USP19: variants seen among roughly 807,000 people sequenced by gnomAD.
USP19 encodes the protein ubiquitin specific peptidase 19, also known as ubiquitin carboxyl-terminal hydrolase 19.
A neutral mutation model predicts 144.8 loss-of-function variants in USP19; 40 were observed. That is an observed-to-expected ratio of 0.28 (90% CI 0.21 to 0.36). The LOEUF (loss-of-function observed/expected upper bound fraction) is 0.36. Ranked by LOEUF, USP19 falls within the 10% of genes least tolerant of loss-of-function variation. USP19 has a pLI of 1.00. For missense variants in USP19, 1,518 were observed against 1,822.5 expected, an observed-to-expected ratio of 0.83 and a Z score of 3.04; for synonymous variants, 701 against 709.3, an observed-to-expected ratio of 0.99 and a Z score of 0.19.
Position 49,111,552 on chromosome 3 carries a change from C to G in USP19, c.3165G>C (p.Gly1055=), listed in dbSNP as rs1199077266. 1 of 1,612,562 alleles carries G rather than the reference C, an allele frequency of 6.2e-7. No individual in the cohort carries two copies. The highest frequency in any genetic ancestry group is 8.5e-7 in the Non-Finnish European group (1 of 1,180,018). The change falls in exon 21 of 27, where the codon GGG becomes GGC. Residue 1055 remains glycine, a synonymous_variant. Coordinates refer to ENST00000417901, the MANE Select transcript of USP19 (RefSeq NM_001199161.2). The surrounding 1 kb of genome is among the most constrained non-coding windows in gnomAD (Gnocchi z 5.9). ...SGISSEMLAS[G]PIEVGSLPAG... ...CTGGCAAGGAGCCAACCTCAATGGGCCCACTGGCCAGCATCTCAGAAGAAA... is the reference window on the plus strand; with the variant it reads ...CTGGCAAGGAGCCAACCTCAATGGGGCCACTGGCCAGCATCTCAGAAGAAA...
chr3:49,112,569 G>C lies in USP19; in HGVS notation c.2566C>G (p.Pro856Ala). 1.2e-6 allele frequency: 2 copies of C among 1,614,094 alleles called. No homozygotes were observed. The highest frequency in any genetic ancestry group is 8.5e-7 in the Non-Finnish European group (1 of 1,179,972). Residue 856 changes from proline to alanine, a missense_variant, in exon 18 of 27, where the codon CCA becomes GCA. Pro to Ala is a conservative substitution (Grantham distance 27). This residue lies in a region of USP19 where 413 missense variants were observed against 515.8 expected (regional missense o/e 0.80). Coordinates refer to ENST00000417901, the MANE Select transcript of USP19 (RefSeq NM_001199161.2). This position sits in a 1 kb window ranked among gnomAD's most constrained non-coding sequence, Gnocchi z 4.9. ...TCAAAGCAGAGGAGCGTATCAGATG[G>C]GGACACAGTGTCCAGTGAGTGGGAG... ...LPSHSLDTVS[P>A]SDTLLCFELL...
At position 49,110,990 on chromosome 3, in the gene USP19, G is replaced by A. The variant is rs777593233; in HGVS notation, c.3505C>T (p.Leu1169Phe). 3.7e-6 allele frequency: 6 copies of A among 1,613,916 alleles called. No individual in the cohort carries two copies. The Admixed American group carries it at 1.0e-4, about 27-fold the overall frequency. The change falls in exon 23 of 27, where the codon CTC (leucine) becomes TTC (phenylalanine). Residue 1169 changes from leucine to phenylalanine, a missense_variant. Transcript: ENST00000417901. The surrounding 1 kb of genome is among the most constrained non-coding windows in gnomAD (Gnocchi z 6.1). ...GCCAGCACCTCAGGCCGTGTGAAGA[G>A]GTTGAGGCACTGGTCCAGGGTGAAG... Reference protein sequence around the residue: ...GHFTLDQCLNLFTRPEVLAPE... With the variant: ...GHFTLDQCLNFFTRPEVLAPE...
In USP19 at chr3:49,110,461, CTGCTACGATCAT is replaced by C; in HGVS notation, c.3830_3841del (p.Asn1277_Ser1280del). 6.2e-7 allele frequency: 1 copy of C among 1,614,158 alleles called. No homozygotes were observed. Among genetic ancestry groups the C allele is most frequent in the Non-Finnish European group, 8.5e-7 (1 of 1,180,018 alleles). On this transcript the variant is annotated inframe_deletion, in exon 25 of 27. Coordinates refer to ENST00000417901, the MANE Select transcript of USP19 (RefSeq NM_001199161.2). The surrounding 1 kb of genome is among the most constrained non-coding windows in gnomAD (Gnocchi z 6.1). ...GCCCTCACCCACGTCACTGCGCTGA[CTGCTACGATCAT>C]TGGGCAGGCGTGCACAGGCAGTGTA...
Position 49,114,395 on chromosome 3 carries a change from C to A in USP19, c.2293-111G>T. 2 of 976,924 alleles carry A rather than the reference C, an allele frequency of 2.0e-6. No homozygotes were observed. Among genetic ancestry groups the A allele is most frequent in the Non-Finnish European group, 3.1e-6 (2 of 649,324 alleles). 60.5% of individuals were successfully genotyped at this position (976,924 alleles called of 1,614,324 possible). A position where few individuals can be genotyped will look rare whatever the true frequency, so the allele number is the denominator to read the frequency against. On this transcript the variant is annotated intron_variant, in intron 15 of 26. Coordinates refer to ENST00000417901, the MANE Select transcript of USP19 (RefSeq NM_001199161.2). This position sits in a 1 kb window ranked among gnomAD's most constrained non-coding sequence, Gnocchi z 4.5. ...TGATGGCTCTCAGGGCCCCCACAGC[C>A]AACCAGCAAACTCTCAGGCTTCAGG...
In USP19 at chr3:49,111,746, C is replaced by T. The variant is rs1306202778; in HGVS notation, c.2971G>A (p.Gly991Ser). ...CCTGTGGAGAGCAGTGTGGTGCAGC[C>T]AGGGCTCTGAGACTCCAAGGCCATG... ...GRMALESQSPGCTTLLSTGSL... is the reference protein window; with the variant it reads ...GRMALESQSPSCTTLLSTGSL... Residue 991 changes from glycine (G) to serine (S), a missense_variant, in exon 21 of 27, where the codon GGC (glycine) becomes AGC (serine). By Grantham distance (56) the Gly-to-Ser change is moderately conservative. Coordinates refer to ENST00000417901, the MANE Select transcript of USP19 (RefSeq NM_001199161.2). This position sits in a 1 kb window ranked among gnomAD's most constrained non-coding sequence, Gnocchi z 5.9. 6.4e-7 allele frequency: 1 copy of T among 1,559,144 alleles called. No individual in the cohort carries two copies. Among genetic ancestry groups the T allele is most frequent in the African/African-American group, 1.4e-5 (1 of 73,512 alleles).
chr3:49,115,259 G>A lies in USP19; in HGVS notation c.1991C>T (p.Thr664Ile). Residue 664 changes from threonine (T) to isoleucine (I), a missense_variant, in exon 13 of 27, where the codon ACC becomes ATC. Transcript: ENST00000417901. This position sits in a 1 kb window ranked among gnomAD's most constrained non-coding sequence, Gnocchi z 6.6. Reference sequence around the variant, plus strand: ...CTTGGAAGGCTGGAAGGCATGGTGGGTGCCCTTCCACAGCGCCCGAAGCAG... The same window carrying A: ...CTTGGAAGGCTGGAAGGCATGGTGGATGCCCTTCCACAGCGCCCGAAGCAG... ...AVLLRALWKG[T>I]HHAFQPSKLK... The A allele has an allele frequency of 6.2e-7, 1 of 1,614,074 alleles. No homozygotes were observed. Among genetic ancestry groups the A allele is most frequent in the Non-Finnish European group, 8.5e-7 (1 of 1,180,014 alleles).
In USP19 at chr3:49,117,170, G is replaced by A. The variant is rs1488201683; in HGVS notation, c.798C>T (p.Pro266=). The A allele has an allele frequency of 1.9e-6, 3 of 1,548,380 alleles. No homozygotes were observed. The highest frequency in any genetic ancestry group is 2.4e-5 in the East Asian group (1 of 40,898). ...AGAGATGCACAGCCCTCTTGGCGCT[G>A]GGCCCTGCCTGGGCCCCGGGGCCAG... ...AGAGPGAQAG[P]SAKRAVHLCR... The change falls in exon 6 of 27, where the codon CCC becomes CCT. Residue 266 remains proline (P), a synonymous_variant. Transcript: ENST00000417901. This position sits in a 1 kb window ranked among gnomAD's most constrained non-coding sequence, Gnocchi z 4.4.
At chr3:49,120,605 A>G (rs1454549920) in intron 1 of USP19, 151 bp downstream of exon 1, 1 of 154,318 alleles carries the variant, frequency 6.5e-6, no homozygotes, top group Non-Finnish European at 1.4e-5. Flanking sequence ...GGCATAGCGT[A>G]ACGGCCCTGC....
In USP19 at chr3:49,117,317, G is replaced by A. The variant is rs970077241; in HGVS notation, c.651C>T (p.Cys217=). Residue 217 remains cysteine, a synonymous_variant, in exon 6 of 27, where the codon TGC becomes TGT. Coordinates refer to ENST00000417901, the MANE Select transcript of USP19 (RefSeq NM_001199161.2). The surrounding 1 kb of genome is among the most constrained non-coding windows in gnomAD (Gnocchi z 4.4). The part of the protein sequence containing the change: ...GTQELVPGLR[C]QENGQELSPI... Reference sequence around the variant, plus strand: ...GAGACAGTTCCTGCCCATTCTCCTGGCACCGCAGCCCCGGCACCAGCTCCT... The same window carrying A: ...GAGACAGTTCCTGCCCATTCTCCTGACACCGCAGCCCCGGCACCAGCTCCT... The A allele has an allele frequency of 6.3e-7, 1 of 1,585,496 alleles. No homozygotes were observed. Among genetic ancestry groups the A allele is most frequent in the Non-Finnish European group, 8.6e-7 (1 of 1,162,956 alleles).
chr3:49,118,052 C>T lies in USP19; in HGVS notation c.193G>A (p.Ala65Thr). Residue 65 changes from alanine (A) to threonine (T), a missense_variant, in exon 3 of 27, where the codon GCC (alanine) becomes ACC (threonine). This residue lies in a region of USP19 where 707 missense variants were observed against 728.9 expected (regional missense o/e 0.97). Transcript: ENST00000417901. ...CCTGTGATCCCAGCTGCATGGGAGG[C>T]TGAGGCAGAAGGATCACCTGAGGCC... is the stretch of plus-strand genomic sequence containing the variant. ...PLASGDPSAS[A>T]SHAAGITGSR... The T allele has an allele frequency of 6.3e-7, 1 of 1,593,208 alleles. No homozygotes were observed. The highest frequency in any genetic ancestry group is 8.5e-7 in the Non-Finnish European group (1 of 1,173,630).
At position 49,118,055 on chromosome 3, in the gene USP19, A is replaced by G. The variant is rs534769390; in HGVS notation, c.190T>C (p.Ser64Pro). ...GTGATCCCAGCTGCATGGGAGGCTG[A>G]GGCAGAAGGATCACCTGAGGCCAGA... is the stretch of plus-strand genomic sequence containing the variant. Reference protein sequence around the residue: ...EPLASGDPSASASHAAGITGS... With the variant: ...EPLASGDPSAPASHAAGITGS... The change falls in exon 3 of 27, where the codon TCA becomes CCA. Residue 64 changes from serine (S) to proline (P), a missense_variant. Ser to Pro is a moderately conservative substitution (Grantham distance 74). This residue lies in a region of USP19 where 707 missense variants were observed against 728.9 expected (regional missense o/e 0.97). Transcript: ENST00000417901. 1 of 1,591,278 alleles carries G rather than the reference A, an allele frequency of 6.3e-7. No individual in the cohort carries two copies. The highest frequency in any genetic ancestry group is 1.8e-5 in the Admixed American group (1 of 54,282).
rs770459552 is a variant in USP19, at chr3:49,112,617, G to C, written c.2518C>G (p.Arg840Gly). 13 of 1,613,060 alleles carry C rather than the reference G, an allele frequency of 8.1e-6. No homozygotes were observed. The highest frequency in any genetic ancestry group is 1.1e-5 in the Non-Finnish European group (13 of 1,179,438). Residue 840 changes from arginine to glycine, a missense_variant, in exon 18 of 27, where the codon CGT becomes GGT. Transcript: ENST00000417901. This position sits in a 1 kb window ranked among gnomAD's most constrained non-coding sequence, Gnocchi z 4.9. ...GAGGGTAGGAACACACGATGAAAAC[G>C]ATTCTTAATTACCTGGGGACAGAGA... Reference protein sequence around the residue: ...NLRLAEVIKNRFHRVFLPSHS... With the variant: ...NLRLAEVIKNGFHRVFLPSHS...
At position 49,116,280 on chromosome 3, in the gene USP19, C is replaced by A; in HGVS notation, c.1355G>T (p.Arg452Met). The A allele has an allele frequency of 6.2e-7, 1 of 1,613,768 alleles. No individual in the cohort carries two copies. The highest frequency in any genetic ancestry group is 8.5e-7 in the Non-Finnish European group (1 of 1,179,942). Residue 452 changes from arginine to methionine, a missense_variant and splice_region_variant, in exon 9 of 27, where the codon AGG becomes ATG. Physicochemically the swap from Arg to Met is moderately conservative, Grantham distance 91. This residue lies in a region of USP19 where 707 missense variants were observed against 728.9 expected (regional missense o/e 0.97). Transcript: ENST00000417901. The surrounding 1 kb of genome is among the most constrained non-coding windows in gnomAD (Gnocchi z 5.0). ...AGTGGTGGGGCCGGGCACCACCCAC[C>A]TGAGCTTCACCTGCCAACGGAAGGT... ...HTTFRWQVKL[R>M]NLIEPEQCTF...
At chr3:49,113,922 T>C in intron 17 of USP19, 70 bp downstream of exon 17, 2 of 1,521,396 alleles carry the variant, frequency 1.3e-6, no homozygotes. Context: ...TGCCAATGAC[T>C]GTACACACGT....
In USP19 at chr3:49,108,811, G is replaced by A. The variant is rs1390138469; in HGVS notation, c.4039-283C>T. Reference sequence around the variant, plus strand: ...ATGGATACACACCCTAGGATACTCTGCCCCTGCAGGGGCCACAACCTCCCC... The same window carrying A: ...ATGGATACACACCCTAGGATACTCTACCCCTGCAGGGGCCACAACCTCCCC... On this transcript the variant is annotated intron_variant, in intron 26 of 26. Transcript: ENST00000417901. This position sits in a 1 kb window ranked among gnomAD's most constrained non-coding sequence, Gnocchi z 4.8. 13 of 1,441,942 alleles carry A rather than the reference G, an allele frequency of 9.0e-6. No homozygotes were observed. Among genetic ancestry groups the A allele is most frequent in the Non-Finnish European group, 1.2e-5 (13 of 1,098,268 alleles). 89.3% of individuals were successfully genotyped at this position (1,441,942 alleles called of 1,614,324 possible).
chr3:49,115,615 G>C lies in USP19; in HGVS notation c.1717C>G (p.Pro573Ala). The stretch of plus-strand genomic sequence containing the variant: ...CCACTAACTGGGCTGTGGGGCATGG[G>C]AGGCACCATGCATGTAGGCTTGGGC... The part of the protein sequence containing the change: ...ASPKPTCMVP[P>A]MPHSPVSGDS... Residue 573 changes from proline (P) to alanine (A), a missense_variant, in exon 12 of 27, where the codon CCC (proline) becomes GCC (alanine). Physicochemically the swap from Pro to Ala is conservative, Grantham distance 27. Coordinates refer to ENST00000417901, the MANE Select transcript of USP19 (RefSeq NM_001199161.2). This position sits in a 1 kb window ranked among gnomAD's most constrained non-coding sequence, Gnocchi z 6.6. 3 of 1,609,504 alleles carry C rather than the reference G, an allele frequency of 1.9e-6. No homozygotes were observed. Among genetic ancestry groups the C allele is most frequent in the Non-Finnish European group, 2.5e-6 (3 of 1,177,708 alleles).
chr3:49,120,139 A>G (rs1307799535), intron 1 of USP19, among the ~76,000 whole-genome samples: 1 of 152,154 alleles, frequency 6.6e-6, no homozygotes, highest in African/African-American at 2.4e-5. Flanking sequence ...TTGAAACTAG[A>G]TACTGAGATG....
At position 49,108,928 on chromosome 3, in the gene USP19, C is replaced by T; in HGVS notation, c.4039-400G>A. 6.3e-7 allele frequency: 1 copy of T among 1,588,288 alleles called. No homozygotes were observed. Among genetic ancestry groups the T allele is most frequent in the Non-Finnish European group, 8.6e-7 (1 of 1,165,582 alleles). On this transcript the variant is annotated intron_variant, in intron 26 of 26. Transcript: ENST00000417901. This position sits in a 1 kb window ranked among gnomAD's most constrained non-coding sequence, Gnocchi z 4.8. ...GCATGGCCTGGGGCAGGCAGGTAGG[C>T]CAGCTCACAGCAGCTGCCTGCAGGC... is the stretch of plus-strand genomic sequence containing the variant.
In USP19 at chr3:49,111,722, C is replaced by T; in HGVS notation, c.2995G>A (p.Gly999Ser). 1.3e-6 allele frequency: 2 copies of T among 1,579,104 alleles called. No individual in the cohort carries two copies. Among genetic ancestry groups the T allele is most frequent in the Non-Finnish European group, 1.7e-6 (2 of 1,162,002 alleles). The change falls in exon 21 of 27, where the codon GGT becomes AGT. Residue 999 changes from glycine to serine, a missense_variant. Physicochemically the swap from Gly to Ser is moderately conservative, Grantham distance 56 (BLOSUM62 0). This residue lies in a region of USP19 where 413 missense variants were observed against 515.8 expected (regional missense o/e 0.80). Transcript: ENST00000417901. The surrounding 1 kb of genome is among the most constrained non-coding windows in gnomAD (Gnocchi z 5.9). ...TCGCTGTCCCCAGCCTCCAGGGAAC[C>T]TGTGGAGAGCAGTGTGGTGCAGCCA... ...SPGCTTLLST[G>S]SLEAGDSERD...
Sources: allele counts gnomAD v4.1 joint callset (sites outside exome capture counted in the v4.1 genomes callset), GRCh38; gene constraint gnomAD v4.1.1; regional missense constraint gnomAD v4.1.1; non-coding constraint Gnocchi (gnomAD v3.1); transcripts MANE v1.5; gene names NCBI Gene and HGNC (gene_info 2026-07-23, HGNC 2026-07-21).